FOXN3: variants seen among roughly 807,000 people sequenced by gnomAD.
The protein encoded by FOXN3 is forkhead box protein N3.
A neutral mutation model predicts 38.4 loss-of-function variants in FOXN3; 7 were observed. The observed-to-expected ratio is 0.18, with a 90% CI of 0.10 to 0.34. The LOEUF (loss-of-function observed/expected upper bound fraction) is 0.34, where lower values mean the gene tolerates loss of function less well. Among genes scored for constraint, FOXN3 ranks in the 10% least tolerant of loss-of-function variants. FOXN3 has a pLI of 1.00. For synonymous variants in FOXN3, 230 were observed against 242.2 expected (o/e 0.95, Z 0.47); for missense variants, 456 against 613.4 (o/e 0.74, Z 2.71).
rs74400770 is a variant in FOXN3, at chr14:89,370,371, G to A, written c.544-19563C>T. Among the ~76,000 whole-genome samples, 491 of 152,354 alleles carry A rather than the reference G, an allele frequency of 3.2e-3. 2 individuals are homozygous for A. Among genetic ancestry groups the A allele is most frequent in the African/African-American group, 9.9e-3 (413 of 41,578 alleles). Reference sequence around the variant, plus strand: ...AAGAGGCAGCAAGAGGCAGAGCCAGGCTTCAAACCTGGGTCTTTGGGGTTG... The same window carrying A: ...AAGAGGCAGCAAGAGGCAGAGCCAGACTTCAAACCTGGGTCTTTGGGGTTG... On this transcript the variant is annotated intron_variant, in intron 2 of 5. Coordinates refer to ENST00000557258, the MANE Select transcript of FOXN3 (RefSeq NM_005197.4).
chr14:89,606,592 G>A (rs1896280992), intron 1 of FOXN3, among the ~76,000 whole-genome samples: 1 of 152,350 alleles, frequency 6.6e-6, no homozygotes, highest in South Asian at 2.1e-4. Flanking sequence ...GCTCATGCCT[G>A]TAATCCCAGC....
At chr14:89,510,685 T>TA (rs1278349529) in intron 1 of FOXN3, among the ~76,000 whole-genome samples, 3 of 152,140 alleles carry the variant, frequency 2.0e-5, no homozygotes, top group African/African-American at 7.2e-5. Flanking sequence ...GCTCACACCG[T>TA]AATCCCGGCA....
intron 3 of FOXN3, among the ~76,000 whole-genome samples, chr14:89,282,435 G>A (rs1023234121): frequency 6.6e-6 from 1 of 152,174 alleles, no homozygotes; most frequent in Non-Finnish European, 1.5e-5. Flanking sequence ...TGGAGTCTCA[G>A]GATGATGACA....
At chr14:89,349,084 G>A (rs1231351123) in intron 3 of FOXN3, among the ~76,000 whole-genome samples, 3 of 152,058 alleles carry the variant, frequency 2.0e-5, no homozygotes, top group African/African-American at 7.2e-5. Flanking sequence ...TCGGGGGGTG[G>A]GGGTAGAATG....
At chr14:89,380,904 G>A (rs1890625382) in intron 2 of FOXN3, among the ~76,000 whole-genome samples, 1 of 152,094 alleles carries the variant, frequency 6.6e-6, no homozygotes, top group Non-Finnish European at 1.5e-5. Flanking sequence ...CATTTTGGGA[G>A]GCTGAGGCGG....
At chr14:89,565,540 G>A (rs534560336) in intron 1 of FOXN3, among the ~76,000 whole-genome samples, 9 of 152,232 alleles carry the variant, frequency 5.9e-5, no homozygotes, top group South Asian at 4.1e-4. Context: ...TGGGCCCGCC[G>A]TCCTCATCTT....
intron 1 of FOXN3, among the ~76,000 whole-genome samples, chr14:89,612,690 A>C (rs1165312643): frequency 6.6e-6 from 1 of 151,864 alleles, no homozygotes; most frequent in Admixed American, 6.6e-5. Context: ...GCCACTCGGG[A>C]GGTTGAGGTG....
chr14:89,281,004 G>A lies in FOXN3; in HGVS notation c.691C>T (p.Pro231Ser). 1 of 1,613,538 alleles carries A rather than the reference G, an allele frequency of 6.2e-7. No individual in the cohort carries two copies. The change falls in exon 4 of 6, where the codon CCA (proline) becomes TCA (serine). Residue 231 changes from proline to serine, a missense_variant. Around this residue, in one of 3 missense-constraint regions of FOXN3, gnomAD observed 386 missense variants for 505.2 expected, o/e 0.76. Coordinates refer to ENST00000557258, the MANE Select transcript of FOXN3 (RefSeq NM_005197.4). ...CPQAYQSTSG[P>S]PIWPGSTFFK... ...AAGGTACTGCCCGGCCAGATGGGTGGACCTGATGTGCTGAAAGAGAAAAGA... is the reference window on the plus strand; with the variant it reads ...AAGGTACTGCCCGGCCAGATGGGTGAACCTGATGTGCTGAAAGAGAAAAGA...
chr14:89,605,166 A>T (rs1427057602), intron 1 of FOXN3, among the ~76,000 whole-genome samples: 1 of 151,388 alleles, frequency 6.6e-6, no homozygotes, highest in Non-Finnish European at 1.5e-5. Flanking sequence ...CTGTGAGATT[A>T]AAAAAAAACA....
In FOXN3 at chr14:89,220,450, C is replaced by T. The variant is rs551125614; in HGVS notation, c.746-39644G>A. ...GCACCATCTTCAGATCTAAATGATA[C>T]AACTAAAGCATCACCATTTTCAGGA... On this transcript the variant is annotated intron_variant, in intron 4 of 5. Transcript: ENST00000557258. Among the ~76,000 whole-genome samples the T allele has an allele frequency of 4.6e-5, 7 of 152,286 alleles. No individual in the cohort carries two copies. The East Asian group carries it at 1.2e-3, about 25-fold the overall frequency.
chr14:89,550,855 A>G (rs1337629734), intron 1 of FOXN3, among the ~76,000 whole-genome samples: 1 of 152,176 alleles, frequency 6.6e-6, no homozygotes, highest in Admixed American at 6.5e-5. Context: ...CCAAAACACA[A>G]TGCAATCATT....
intron 1 of FOXN3, among the ~76,000 whole-genome samples, chr14:89,533,390 G>A (rs894247860): frequency 2.0e-5 from 3 of 152,152 alleles, no homozygotes; most frequent in Non-Finnish European, 4.4e-5. Flanking sequence ...CTGGCTGGGC[G>A]CGGTGGCTCA....
At chr14:89,474,709 T>C (rs1893174745) in intron 1 of FOXN3, among the ~76,000 whole-genome samples, 1 of 152,226 alleles carries the variant, frequency 6.6e-6, no homozygotes, top group Non-Finnish European at 1.5e-5. Context: ...GCTACTTGTA[T>C]GTCTCGGGTA....
intron 1 of FOXN3, among the ~76,000 whole-genome samples, chr14:89,562,871 G>A (rs983943604): frequency 6.6e-6 from 1 of 152,220 alleles, no homozygotes. Context: ...TTTAGGTTTA[G>A]AGCCAAAATC....
intron 3 of FOXN3, among the ~76,000 whole-genome samples, chr14:89,312,830 A>T (rs1887598881): frequency 6.6e-6 from 1 of 152,088 alleles, no homozygotes; most frequent in African/African-American, 2.4e-5. Context: ...GGTTATGAGC[A>T]CTCGCAGTGA....
At chr14:89,286,480 C>T (rs1051178879) in intron 3 of FOXN3, among the ~76,000 whole-genome samples, 2 of 152,074 alleles carry the variant, frequency 1.3e-5, no homozygotes, top group African/African-American at 4.8e-5. Flanking sequence ...CTTAAGCAAC[C>T]GAGCACAGAG....
intron 1 of FOXN3, among the ~76,000 whole-genome samples, chr14:89,503,103 C>T (rs1019729456): frequency 6.6e-6 from 1 of 152,196 alleles, no homozygotes; most frequent in Non-Finnish European, 1.5e-5. Context: ...TGAGAGGACA[C>T]AGCAGACACA....
At chr14:89,406,000 T>C (rs1891379243) in intron 2 of FOXN3, among the ~76,000 whole-genome samples, 2 of 152,110 alleles carry the variant, frequency 1.3e-5, no homozygotes, top group South Asian at 4.2e-4. Flanking sequence ...ACCCCACCTT[T>C]ACTAAAAATA....
At chr14:89,496,515 T>C (rs1893687102) in intron 1 of FOXN3, among the ~76,000 whole-genome samples, 1 of 152,078 alleles carries the variant, frequency 6.6e-6, no homozygotes, top group Non-Finnish European at 1.5e-5. Flanking sequence ...GGGGGGTCCT[T>C]GGGCTTTGGA....
Sources: gnomAD v4.1 joint callset for allele counts (sites outside exome capture counted in the v4.1 genomes callset) on GRCh38, gnomAD v4.1.1 for gene constraint, gnomAD v4.1.1 regional missense constraint, MANE v1.5 for transcripts, NCBI Gene and HGNC (gene_info 2026-07-23, HGNC 2026-07-21) for gene names.